The following RNGTT variants were observed in gnomAD, a reference collection of about 807,000 sequenced individuals.
The protein encoded by RNGTT is RNA guanylyltransferase and 5'-phosphatase, also known as mRNA-capping enzyme.
In RNGTT, 33 loss-of-function variants were observed where a neutral mutation model predicts 79.3. That is an observed-to-expected ratio of 0.42 (90% CI 0.32 to 0.56). The LOEUF (loss-of-function observed/expected upper bound fraction) is 0.56, where lower values mean the gene tolerates loss of function less well. RNGTT is among the 20% of genes least tolerant of loss of function. The probability of loss-of-function intolerance (pLI) is 0.17; values close to 1 mark genes in which losing one functional copy is unlikely to be tolerated. For missense variants in RNGTT, 497 were observed against 739.1 expected, an observed-to-expected ratio of 0.67 and a Z score of 3.80; for synonymous variants, 222 against 235.9, an observed-to-expected ratio of 0.94 and a Z score of 0.54.
chr6:88,716,677 T>C (rs1776526677), intron 13 of RNGTT, among the ~76,000 whole-genome samples: 1 of 152,108 alleles, frequency 6.6e-6, no homozygotes, highest in African/African-American at 2.4e-5. Flanking sequence ...GGGACATGGA[T>C]GAAGCTGGAA....
At chr6:88,635,883 T>C (rs144802281) in intron 14 of RNGTT, among the ~76,000 whole-genome samples, 305 of 152,184 alleles carry the variant, frequency 2.0e-3, no homozygotes, top group Middle Eastern at 6.8e-3. Context: ...AATGAGCAGA[T>C]ATATGCTACC....
intron 13 of RNGTT, among the ~76,000 whole-genome samples, chr6:88,760,348 T>C (rs1201065657): frequency 1.3e-5 from 2 of 151,904 alleles, no homozygotes; most frequent in African/African-American, 4.8e-5. Context: ...CTGAAAAGAG[T>C]TCAGTCACAG....
intron 14 of RNGTT, among the ~76,000 whole-genome samples, chr6:88,616,039 T>C (rs1772204510): frequency 6.6e-6 from 1 of 152,216 alleles, no homozygotes; most frequent in Non-Finnish European, 1.5e-5. Context: ...GCCTTTCTAC[T>C]TTCTGTTTCT....
intron 13 of RNGTT, among the ~76,000 whole-genome samples, chr6:88,698,169 C>CATATATATGATATATATATGAA (rs1458252540): frequency 1.8e-4 from 12 of 65,128 alleles, no homozygotes; most frequent in African/African-American, 2.3e-4. Flanking sequence ...ATATATATGA[C>CATATATATGATATATATATGAA]ATATATATGA....
intron 14 of RNGTT, among the ~76,000 whole-genome samples, chr6:88,633,641 A>G (rs1397435583): frequency 6.6e-6 from 1 of 152,154 alleles, no homozygotes; most frequent in Non-Finnish European, 1.5e-5. Context: ...TTTTTTTAAC[A>G]TTTAAAAAAT....
intron 2 of RNGTT, among the ~76,000 whole-genome samples, chr6:88,930,284 C>G (rs1784478999): frequency 6.8e-6 from 1 of 147,806 alleles, no homozygotes; most frequent in Admixed American, 6.7e-5. Flanking sequence ...AACAACTCTT[C>G]TATTTTCTGA....
intron 14 of RNGTT, among the ~76,000 whole-genome samples, chr6:88,655,672 C>T (rs1291516894): frequency 6.6e-6 from 1 of 152,104 alleles, no homozygotes; most frequent in African/African-American, 2.4e-5. Context: ...CAAAAAATTC[C>T]TACTTAAAAT....
At chr6:88,870,941 T>A (rs1465909223) in intron 8 of RNGTT, among the ~76,000 whole-genome samples, 1 of 152,064 alleles carries the variant, frequency 6.6e-6, no homozygotes, top group Non-Finnish European at 1.5e-5. Flanking sequence ...AGTCATAAGA[T>A]CCCAAAATGA....
At chr6:88,807,616 C>T (rs149596422) in intron 11 of RNGTT, among the ~76,000 whole-genome samples, 5 of 152,004 alleles carry the variant, frequency 3.3e-5, no homozygotes, top group Admixed American at 6.5e-5. Context: ...AGCTGGAATG[C>T]GAAAACAAAA....
intron 13 of RNGTT, among the ~76,000 whole-genome samples, chr6:88,728,089 C>G (rs1776981543): frequency 6.6e-6 from 1 of 152,158 alleles, no homozygotes; most frequent in Non-Finnish European, 1.5e-5. Context: ...GGGTCATGGG[C>G]CATAGTCCCA....
intron 8 of RNGTT, among the ~76,000 whole-genome samples, chr6:88,865,054 C>T (rs1782124689): frequency 1.3e-5 from 2 of 151,920 alleles, no homozygotes; most frequent in Non-Finnish European, 2.9e-5. Flanking sequence ...CACTGAACTG[C>T]ATATTTTTAA....
At chr6:88,932,573 TTC>T (rs1784544782) in intron 2 of RNGTT, among the ~76,000 whole-genome samples, 3 of 152,104 alleles carry the variant, frequency 2.0e-5, no homozygotes. Flanking sequence ...GCTTTAAAAT[TTC>T]TCTCTTTTGT....
At chr6:88,819,056 G>A (rs1183206608) in intron 11 of RNGTT, among the ~76,000 whole-genome samples, 1 of 151,940 alleles carries the variant, frequency 6.6e-6, no homozygotes, top group African/African-American at 2.4e-5. Context: ...TCAATAAACA[G>A]CAAATTATTA....
chr6:88,869,994 A>T (rs1782304379), intron 8 of RNGTT, among the ~76,000 whole-genome samples: 1 of 152,188 alleles, frequency 6.6e-6, no homozygotes, highest in South Asian at 2.1e-4. Context: ...CTGCCCATGC[A>T]AAAGTATTTT....
At chr6:88,716,111 A>T (rs892858605) in intron 13 of RNGTT, among the ~76,000 whole-genome samples, 3 of 151,790 alleles carry the variant, frequency 2.0e-5, no homozygotes, top group African/African-American at 7.3e-5. Context: ...AACTCAAACA[A>T]ATTTACAAGA....
In RNGTT at chr6:88,615,303, C is replaced by A. The variant is rs143631152; in HGVS notation, c.1507-908G>T. Among the ~76,000 whole-genome samples the A allele has an allele frequency of 3.3e-5, 5 of 152,308 alleles. No individual in the cohort carries two copies. In the East Asian group the frequency reaches 9.6e-4, roughly 29 times the overall value. On this transcript the variant is annotated intron_variant, in intron 14 of 15. Coordinates refer to ENST00000369485, the MANE Select transcript of RNGTT (RefSeq NM_003800.5). ...TGAAACATTCTCATTTTTCTACCCACATATTCACTACCACCTAGGAATATG... is the reference window on the plus strand; with the variant it reads ...TGAAACATTCTCATTTTTCTACCCAAATATTCACTACCACCTAGGAATATG...
In RNGTT at chr6:88,717,143, C is replaced by T. The variant is rs140912262; in HGVS notation, c.1440-38724G>A. On this transcript the variant is annotated intron_variant, in intron 13 of 15. Transcript: ENST00000369485. ...TATAGTGTAGTAATACAACACCAGA[C>T]TCATTTAATCTACAGCACTAGAAGA... Among the ~76,000 whole-genome samples, 9 of 152,268 alleles carry T rather than the reference C, an allele frequency of 5.9e-5. No homozygotes were observed. The East Asian group carries it at 1.2e-3, about 20-fold the overall frequency.
intron 1 of RNGTT, among the ~76,000 whole-genome samples, chr6:88,962,397 C>T (rs560724630): frequency 2.0e-5 from 3 of 152,164 alleles, no homozygotes; most frequent in South Asian, 2.1e-4. Context: ...TTTGGGAGGC[C>T]GAAGTGGGAG....
chr6:88,755,345 C>G (rs1777973932), intron 13 of RNGTT, among the ~76,000 whole-genome samples: 1 of 151,612 alleles, frequency 6.6e-6, no homozygotes. Flanking sequence ...TAAATTGAAC[C>G]CAATTTAAAT....
Sources: gnomAD v4.1 joint callset for allele counts (sites outside exome capture counted in the v4.1 genomes callset) on GRCh38, gnomAD v4.1.1 for gene constraint, MANE v1.5 for transcripts, NCBI Gene and HGNC (gene_info 2026-07-23, HGNC 2026-07-21) for gene names.